The following GTF3C1 variants were observed in gnomAD, a reference collection of about 807,000 sequenced individuals.
GTF3C1 encodes general transcription factor 3C polypeptide 1.
In GTF3C1, 57 loss-of-function variants were observed where a neutral mutation model predicts 226.7. The ratio of observed to expected loss-of-function variants is 0.25; its 90% CI spans 0.20 to 0.31. The LOEUF (loss-of-function observed/expected upper bound fraction) is 0.31. Among genes scored for constraint, GTF3C1 ranks in the 10% least tolerant of loss-of-function variants. GTF3C1 has a pLI of 1.00. For synonymous variants in GTF3C1, 1,090 were observed against 1,084.8 expected (o/e 1.00, Z -0.09); for missense variants, 2,217 against 2,776.1 (o/e 0.80, Z 4.53).
chr16:27,530,901 TCC>T (rs1306157438), intron 5 of GTF3C1, among the ~76,000 whole-genome samples: 2 of 152,200 alleles, frequency 1.3e-5, no homozygotes, highest in Admixed American at 1.3e-4. Flanking sequence ...CTCGAGATCC[TCC>T]TTCTTCAGTC....
At chr16:27,482,627 C>G (rs911529556) in intron 26 of GTF3C1, 4 of 457,340 alleles carry the variant, frequency 8.7e-6, no homozygotes, top group Admixed American at 4.7e-5. Context: ...AGATGAGCAG[C>G]CTCTGAGGCG....
rs527480489 is a variant in GTF3C1, at chr16:27,524,134, G to A, written c.973+4464C>T. ...ATGACATACCAGCATGAAGCAGGCC[G>A]CAGGCTATACAGTGGGAAGCGGGTG... On this transcript the variant is annotated intron_variant, in intron 6 of 36. Transcript: ENST00000356183. 5.3e-5 allele frequency among the ~76,000 whole-genome samples: 8 copies of A among 152,336 alleles called. No individual in the cohort carries two copies. The South Asian group carries it at 6.2e-4, about 12-fold the overall frequency.
At chr16:27,545,023 A>G (rs2089142971) in intron 2 of GTF3C1, among the ~76,000 whole-genome samples, 1 of 150,294 alleles carries the variant, frequency 6.7e-6, no homozygotes, top group African/African-American at 2.5e-5. Context: ...CCTAGGCTGA[A>G]GTGCAGTGGC....
intron 19 of GTF3C1, among the ~76,000 whole-genome samples, chr16:27,491,112 T>C (rs2088226821): frequency 6.6e-6 from 1 of 152,226 alleles, no homozygotes; most frequent in Non-Finnish European, 1.5e-5. Flanking sequence ...TGTTCTAAAA[T>C]ACGTCTGGAC....
At chr16:27,530,043 C>G (rs2088892392) in intron 5 of GTF3C1, among the ~76,000 whole-genome samples, 1 of 152,154 alleles carries the variant, frequency 6.6e-6, no homozygotes, top group Admixed American at 6.5e-5. Context: ...TACCATGGCT[C>G]CCAGCAAGGG....
chr16:27,474,602 C>T (rs1025216046), intron 29 of GTF3C1, among the ~76,000 whole-genome samples: 1 of 152,076 alleles, frequency 6.6e-6, no homozygotes, highest in African/African-American at 2.4e-5. Context: ...TTGTTTTTTC[C>T]TTTTAAACAA....
Position 27,480,008 on chromosome 16 carries a change from G to C in GTF3C1, c.4196+1071C>G, listed in dbSNP as rs188645812. On this transcript the variant is annotated intron_variant, in intron 27 of 36. Transcript: ENST00000356183. The stretch of plus-strand genomic sequence containing the variant: ...GAGGTCAGGAGATCCAGACCATCCT[G>C]GCTAACACGGTGAAACCCCGTCTCT... Among the ~76,000 whole-genome samples, 1,085 of 152,018 alleles carry C rather than the reference G, an allele frequency of 7.1e-3. 21 individuals are homozygous for C. The highest frequency in any genetic ancestry group is 0.025 in the African/African-American group (1,024 of 41,458).
At position 27,495,057 on chromosome 16, in the gene GTF3C1, G is replaced by C. The variant is rs186931647; in HGVS notation, c.2633-149C>G. On this transcript the variant is annotated intron_variant, in intron 15 of 36. Coordinates refer to ENST00000356183, the MANE Select transcript of GTF3C1 (RefSeq NM_001520.4). Reference sequence around the variant, plus strand: ...GTCAGGCAGGAAGGAAGATGAGGAAGAAAGCCTGCAGGTTCAGGAAGTGTG... The same window carrying C: ...GTCAGGCAGGAAGGAAGATGAGGAACAAAGCCTGCAGGTTCAGGAAGTGTG... The C allele has an allele frequency of 4.5e-6, 4 of 883,118 alleles. No homozygotes were observed. The Admixed American group carries it at 6.7e-5, about 15-fold the overall frequency. 54.7% of individuals were successfully genotyped at this position (883,118 alleles called of 1,614,324 possible).
At position 27,463,300 on chromosome 16, in the gene GTF3C1, C is replaced by A. The variant is rs1362472777; in HGVS notation, c.5924+241G>T. The stretch of plus-strand genomic sequence containing the variant: ...CACCAGGCATGGTTCTCCACCAGCG[C>A]CCTGGGCATTCTGGAAGCGCAGCCC... On this transcript the variant is annotated intron_variant, in intron 35 of 36. Coordinates refer to ENST00000356183, the MANE Select transcript of GTF3C1 (RefSeq NM_001520.4). The surrounding 1 kb of genome is among the most constrained non-coding windows in gnomAD (Gnocchi z 4.9). The A allele has an allele frequency of 5.4e-6, 3 of 552,206 alleles. No individual in the cohort carries two copies. The highest frequency in any genetic ancestry group is 3.2e-5 in the East Asian group (1 of 31,734). The allele number at this position is 552,206 out of a possible 1,614,324, so 34.2% of individuals were successfully genotyped here.
At chr16:27,540,513 C>T (rs146020998) in intron 2 of GTF3C1, among the ~76,000 whole-genome samples, 22 of 152,216 alleles carry the variant, frequency 1.4e-4, no homozygotes, top group Admixed American at 4.6e-4. Context: ...TTAATTATCG[C>T]GAATTAGCTG....
At chr16:27,530,474 A>C (rs2088899473) in intron 5 of GTF3C1, among the ~76,000 whole-genome samples, 1 of 152,172 alleles carries the variant, frequency 6.6e-6, no homozygotes, top group South Asian at 2.1e-4. Flanking sequence ...CAGCAGAAAG[A>C]GAAAGAGGCA....
intron 5 of GTF3C1, among the ~76,000 whole-genome samples, chr16:27,528,945 C>A (rs928648856): frequency 6.6e-6 from 1 of 152,118 alleles, no homozygotes; most frequent in Non-Finnish European, 1.5e-5. Flanking sequence ...AGATTCGCTT[C>A]GCCAGATCCT....
rs1395065268 is a variant in GTF3C1 at position 27,476,501 on chromosome 16, T to C, written c.4303A>G (p.Ser1435Gly). The C allele has an allele frequency of 2.5e-6, 4 of 1,613,586 alleles. No individual in the cohort carries two copies. The highest frequency in any genetic ancestry group is 3.4e-6 in the Non-Finnish European group (4 of 1,179,554). Residue 1435 changes from serine (S) to glycine (G), a missense_variant, in exon 29 of 37, where the codon AGC (serine) becomes GGC (glycine). Ser to Gly is a moderately conservative substitution (Grantham distance 56). This residue lies in a region of GTF3C1 where 546 missense variants were observed against 663.0 expected (regional missense o/e 0.82). Coordinates refer to ENST00000356183, the MANE Select transcript of GTF3C1 (RefSeq NM_001520.4). ...HFLVLQNLIQ[S>G]TLALSDSQMK... ...TGACTGTCTGAGAGGGCCAGCGTGC[T>C]CTGGATCAGGTTCTGAAGCACCAGA...
chr16:27,465,794 C>T (rs2087779359), intron 32 of GTF3C1: 1 of 529,400 alleles, frequency 1.9e-6, no homozygotes, highest in East Asian at 3.2e-5. Context: ...TGTGATTCTC[C>T]TGCTCAAGAT....
At chr16:27,498,594 C>T in intron 13 of GTF3C1, 36 bp downstream of exon 13, 1 of 1,009,448 alleles carries the variant, frequency 9.9e-7, no homozygotes, top group Non-Finnish European at 1.6e-6. Flanking sequence ...GACCTGGCAG[C>T]CTTGCTATGG....
Position 27,464,799 on chromosome 16 carries a change from C to G in GTF3C1, c.5393G>C (p.Gly1798Ala), listed in dbSNP as rs1304638971. The part of the protein sequence containing the change: ...LEQHQVLEVG[G>A]NTARLVAMGS... ...CATGGCTACCAGGCGCGCAGTGTTG[C>G]CACCGACCTCCAGCACCTGATGCTG... Residue 1798 changes from glycine to alanine, a missense_variant, in exon 34 of 37, where the codon GGC (glycine) becomes GCC (alanine). Gly to Ala is a moderately conservative substitution (Grantham distance 60). Around this residue, in one of 12 missense-constraint regions of GTF3C1, gnomAD observed 455 missense variants for 441.9 expected, o/e 1.03. Transcript: ENST00000356183. The G allele has an allele frequency of 6.5e-7, 1 of 1,526,822 alleles. No individual in the cohort carries two copies. The highest frequency in any genetic ancestry group is 8.7e-7 in the Non-Finnish European group (1 of 1,148,390). The allele number at this position is 1,526,822 out of a possible 1,614,324, so 94.6% of individuals were successfully genotyped here.
chr16:27,514,249 T>C (rs1289450229), intron 6 of GTF3C1, among the ~76,000 whole-genome samples: 1 of 152,166 alleles, frequency 6.6e-6, no homozygotes, highest in East Asian at 1.9e-4. Context: ...TTCTGCTGGC[T>C]CCCCGCCGGG....
At chr16:27,505,302 TTA>T (rs1408255841) in intron 10 of GTF3C1, among the ~76,000 whole-genome samples, 2 of 152,258 alleles carry the variant, frequency 1.3e-5, no homozygotes, top group African/African-American at 4.8e-5. Context: ...ACTTTCTTTT[TTA>T]TGACAAATGA....
chr16:27,464,166 C>T lies in GTF3C1; in HGVS notation c.5872+154G>A, dbSNP rs375829130. 1.1e-4 allele frequency: 54 copies of T among 481,362 alleles called. No homozygotes were observed. The Middle Eastern group carries it at 1.6e-3, about 14-fold the overall frequency. The allele number at this position is 481,362 out of a possible 1,614,324, so 29.8% of individuals were successfully genotyped here. A position where few individuals can be genotyped will look rare whatever the true frequency, so the allele number is the denominator to read the frequency against. On this transcript the variant is annotated intron_variant, in intron 34 of 36. Transcript: ENST00000356183. Reference sequence around the variant, plus strand: ...ATGCATTTACAGGCAGTATCCTCCCCCTCAGGGCTCAGGCTCTGAGAAGCT... The same window carrying T: ...ATGCATTTACAGGCAGTATCCTCCCTCTCAGGGCTCAGGCTCTGAGAAGCT...
Sources: allele counts gnomAD v4.1 joint callset (sites outside exome capture counted in the v4.1 genomes callset), GRCh38; gene constraint gnomAD v4.1.1; regional missense constraint gnomAD v4.1.1; non-coding constraint Gnocchi (gnomAD v3.1); transcripts MANE v1.5; gene names NCBI Gene and HGNC (gene_info 2026-07-23, HGNC 2026-07-21).